The following ENTREP2 variants were observed in gnomAD, a reference collection of about 807,000 sequenced individuals.
The protein encoded by ENTREP2 is protein ENTREP2.
chr15:29,223,878 G>C, the ENTREP2 span, among the ~76,000 whole-genome samples: 327 of 152,298 alleles, frequency 2.1e-3, no homozygotes, highest in African/African-American at 7.4e-3. Context: ...GCTGACAGAG[G>C]ACTGACAGAC....
chr15:29,520,815 C>T, the ENTREP2 span, among the ~76,000 whole-genome samples: 1 of 152,086 alleles, frequency 6.6e-6, no homozygotes, highest in Non-Finnish European at 1.5e-5. Context: ...ATACCATTTA[C>T]AATAGCATCA....
the ENTREP2 span, among the ~76,000 whole-genome samples, chr15:29,368,718 T>A: frequency 6.6e-6 from 1 of 150,980 alleles, no homozygotes; most frequent in African/African-American, 2.4e-5. Flanking sequence ...ACAAAAAAAA[T>A]ACACAAAAAT....
the ENTREP2 span, chr15:29,128,986 C>T: frequency 3.2e-6 from 2 of 630,120 alleles, no homozygotes; most frequent in East Asian, 2.7e-5. Context: ...CGTTCATCCA[C>T]ACCTCCACTC....
the ENTREP2 span, among the ~76,000 whole-genome samples, chr15:29,366,247 G>C: frequency 6.6e-6 from 1 of 151,984 alleles, no homozygotes; most frequent in Non-Finnish European, 1.5e-5. Flanking sequence ...CTAATTTTTT[G>C]TATTTTTAGT....
the ENTREP2 span, among the ~76,000 whole-genome samples, chr15:29,378,985 A>G: frequency 6.6e-6 from 1 of 152,316 alleles, no homozygotes; most frequent in South Asian, 2.1e-4. Flanking sequence ...AGTTTTTGCT[A>G]ATGAACCAAA....
the ENTREP2 span, among the ~76,000 whole-genome samples, chr15:29,262,808 C>T: frequency 6.6e-6 from 1 of 152,202 alleles, no homozygotes; most frequent in Admixed American, 6.5e-5. Flanking sequence ...GACTAGTGTC[C>T]TGAGAGTGGG....
chr15:29,268,729 T>A, the ENTREP2 span: 1 of 1,508,218 alleles, frequency 6.6e-7, no homozygotes, highest in Non-Finnish European at 8.9e-7. Flanking sequence ...CTTCCCCCAA[T>A]CCTCTAAACT....
chr15:29,536,804 AC>A, the ENTREP2 span, among the ~76,000 whole-genome samples: 5 of 152,196 alleles, frequency 3.3e-5, no homozygotes, highest in African/African-American at 1.2e-4. Context: ...TGGTGAAAAC[AC>A]ACAGGAGAGC....
At chr15:29,649,057 T>TACACACACACACACACACAC in the ENTREP2 span, among the ~76,000 whole-genome samples, 12 of 144,882 alleles carry the variant, frequency 8.3e-5, no homozygotes, top group Non-Finnish European at 1.5e-4. Context: ...GGGACACATG[T>TACACACACACACACACACAC]ACACACACAC....
the ENTREP2 span, among the ~76,000 whole-genome samples, chr15:29,632,955 A>G: frequency 6.6e-6 from 1 of 152,340 alleles, no homozygotes; most frequent in South Asian, 2.1e-4. Context: ...CCACTGTGAG[A>G]CAAGTTGCAT....
chr15:29,160,935 C>T, the ENTREP2 span, among the ~76,000 whole-genome samples: 16 of 152,010 alleles, frequency 1.1e-4, no homozygotes, highest in Admixed American at 3.3e-4. Flanking sequence ...AAAACACAAG[C>T]GGAAGAAATA....
chr15:29,517,693 T>C, the ENTREP2 span, among the ~76,000 whole-genome samples: 2 of 152,154 alleles, frequency 1.3e-5, no homozygotes, highest in African/African-American at 4.8e-5. Flanking sequence ...TTTACATCCA[T>C]GAACAGCGTG....
chr15:29,593,631 G>A, the ENTREP2 span, among the ~76,000 whole-genome samples: 69,397 of 152,058 alleles, frequency 0.46, 17,635 homozygotes, highest in Non-Finnish European at 0.58. Flanking sequence ...TTCTTCCCTT[G>A]GCTGATATTC....
chr15:29,327,592 C>A, the ENTREP2 span, among the ~76,000 whole-genome samples: 1 of 124,696 alleles, frequency 8.0e-6, no homozygotes, highest in African/African-American at 3.9e-5. Flanking sequence ...AAGACCCCAT[C>A]TCAAAAAAAA....
chr15:29,611,128 C>T, the ENTREP2 span: 1 of 152,278 alleles, frequency 6.6e-6, no homozygotes, highest in Non-Finnish European at 1.5e-5. Flanking sequence ...CAAACACCCT[C>T]TTTGTCTGTC....
At chr15:29,268,773 T>A in the ENTREP2 span, 1 of 1,579,716 alleles carries the variant, frequency 6.3e-7, no homozygotes, top group Non-Finnish European at 8.6e-7. Context: ...GTCCCGGGGG[T>A]CCCTCTGAAT....
At chr15:29,647,473 T>G in the ENTREP2 span, among the ~76,000 whole-genome samples, 1 of 152,178 alleles carries the variant, frequency 6.6e-6, no homozygotes, top group Non-Finnish European at 1.5e-5. Context: ...CTAATGCTAT[T>G]CTATCTCCAG....
At chr15:29,297,191 T>C in the ENTREP2 span, among the ~76,000 whole-genome samples, 1 of 152,190 alleles carries the variant, frequency 6.6e-6, no homozygotes, top group African/African-American at 2.4e-5. Context: ...ATGTCCAGCA[T>C]ACGCTCAAAA....
the ENTREP2 span, among the ~76,000 whole-genome samples, chr15:29,357,571 C>G: frequency 6.6e-6 from 1 of 152,156 alleles, no homozygotes; most frequent in Non-Finnish European, 1.5e-5. Flanking sequence ...GGCGTGGTGG[C>G]TCACGCCTGT....
Sources: gnomAD v4.1 joint callset for allele counts (sites outside exome capture counted in the v4.1 genomes callset) on GRCh38, gnomAD v4.1.1 for gene constraint, MANE v1.5 for transcripts, NCBI Gene and HGNC (gene_info 2026-07-23, HGNC 2026-07-21) for gene names.